MAGI1: variants seen among roughly 807,000 people sequenced by gnomAD.
MAGI1 encodes the protein membrane-associated guanylate kinase, WW and PDZ domain-containing protein 1.
MAGI1 carries 58 observed loss-of-function variants against 139.9 expected under a neutral mutation model. The ratio of observed to expected loss-of-function variants is 0.41; its 90% CI spans 0.34 to 0.52. MAGI1 has a LOEUF of 0.52. Ranked by LOEUF, MAGI1 falls within the 20% of genes least tolerant of loss-of-function variation. The pLI, the probability that MAGI1 is intolerant of heterozygous loss-of-function variation, is 0.12. For synonymous variants in MAGI1, 812 were observed against 737.9 expected (o/e 1.10, Z -1.63); for missense variants, 1,874 against 1,901.6 (o/e 0.99, Z 0.27).
intron 10 of MAGI1, 144 bp downstream of exon 10, chr3:65,437,011 C>A: frequency 2.1e-6 from 1 of 480,042 alleles, no homozygotes; most frequent in Non-Finnish European, 3.7e-6. Flanking sequence ...TCTAACAATA[C>A]ATTTATCATT....
chr3:65,417,749 T>C (rs1445986882), intron 12 of MAGI1, among the ~76,000 whole-genome samples: 1 of 152,158 alleles, frequency 6.6e-6, no homozygotes, highest in Non-Finnish European at 1.5e-5. Flanking sequence ...TAAGGACAGA[T>C]GTAAGAAACA....
At chr3:65,853,662 C>A (rs79104605) in intron 1 of MAGI1, among the ~76,000 whole-genome samples, 1 of 152,164 alleles carries the variant, frequency 6.6e-6, no homozygotes, top group Non-Finnish European at 1.5e-5. Flanking sequence ...AAAAGGGCAG[C>A]TGAATGCAAG....
chr3:65,938,410 A>G (rs1458544339), intron 1 of MAGI1, among the ~76,000 whole-genome samples: 1 of 150,904 alleles, frequency 6.6e-6, no homozygotes, highest in East Asian at 1.9e-4. Flanking sequence ...AAGGACCTTT[A>G]ACAACAAGCT....
At chr3:65,962,368 G>A (rs1231691975) in intron 1 of MAGI1, among the ~76,000 whole-genome samples, 7 of 150,226 alleles carry the variant, frequency 4.7e-5, no homozygotes, top group South Asian at 2.2e-4. Flanking sequence ...TGATCCACCC[G>A]CCTCGGCCTC....
intron 1 of MAGI1, among the ~76,000 whole-genome samples, chr3:65,896,735 A>C (rs1217308662): frequency 6.6e-6 from 1 of 152,240 alleles, no homozygotes; most frequent in East Asian, 1.9e-4. Flanking sequence ...TGGACAGTAT[A>C]CATCCATACA....
At chr3:65,576,565 T>C (rs181506343) in intron 2 of MAGI1, among the ~76,000 whole-genome samples, 386 of 152,312 alleles carry the variant, frequency 2.5e-3, no homozygotes, top group African/African-American at 8.2e-3. Flanking sequence ...CTTCATCTTT[T>C]TGCCAGGCTG....
At chr3:65,522,783 GTGGTACTTC>G (rs1005911576) in intron 2 of MAGI1, among the ~76,000 whole-genome samples, 6 of 152,304 alleles carry the variant, frequency 3.9e-5, no homozygotes, top group East Asian at 3.9e-4. Context: ...TTAGCTGAAT[GTGGTACTTC>G]TGGCACTTAG....
At chr3:65,569,606 G>A (rs1165287384) in intron 2 of MAGI1, among the ~76,000 whole-genome samples, 2 of 152,136 alleles carry the variant, frequency 1.3e-5, no homozygotes, top group Non-Finnish European at 2.9e-5. Flanking sequence ...GGCAGGCACG[G>A]TGGCTTGTGC....
At chr3:65,641,952 T>C (rs537179220) in intron 1 of MAGI1, among the ~76,000 whole-genome samples, 27 of 152,308 alleles carry the variant, frequency 1.8e-4, no homozygotes, top group African/African-American at 6.0e-4. Flanking sequence ...CCAAGGTTTC[T>C]GCCAGGCTGT....
At chr3:65,633,682 T>C (rs1020681128) in intron 1 of MAGI1, among the ~76,000 whole-genome samples, 5 of 152,220 alleles carry the variant, frequency 3.3e-5, no homozygotes, top group African/African-American at 1.2e-4. Flanking sequence ...TTACAGCCTT[T>C]GGTGCTTCTT....
rs2088198787 is a variant in MAGI1, at chr3:65,687,881, G to C, written c.314-65793C>G. 19 of 633,790 alleles carry C rather than the reference G, an allele frequency of 3.0e-5. 1 individual carries two copies. The highest frequency in any genetic ancestry group is 2.6e-4 in the South Asian group (19 of 73,280). 39.3% of individuals were successfully genotyped at this position (633,790 alleles called of 1,614,324 possible). A position where few individuals can be genotyped will look rare whatever the true frequency, so the allele number is the denominator to read the frequency against. On this transcript the variant is annotated intron_variant, in intron 1 of 22. Transcript: ENST00000402939. ...CAAAACTGGACCCAGAACTCCGTTT[G>C]GATATCAAGGTATTGCAGGGTGCCT...
At chr3:65,640,053 T>G (rs879124263) in intron 1 of MAGI1, among the ~76,000 whole-genome samples, 3 of 152,076 alleles carry the variant, frequency 2.0e-5, no homozygotes, top group Admixed American at 2.0e-4. Context: ...TTTCCTGTGT[T>G]CAGACTAGAA....
At chr3:66,027,411 C>G (rs2068343844) in intron 1 of MAGI1, among the ~76,000 whole-genome samples, 1 of 152,152 alleles carries the variant, frequency 6.6e-6, no homozygotes, top group Admixed American at 6.5e-5. Context: ...TCAAGCAATC[C>G]TCCCACCACA....
At chr3:65,531,799 T>C (rs1422559402) in intron 2 of MAGI1, among the ~76,000 whole-genome samples, 1 of 152,154 alleles carries the variant, frequency 6.6e-6, no homozygotes, top group Non-Finnish European at 1.5e-5. Flanking sequence ...TCCCCATCCA[T>C]AAAATGAGAA....
chr3:65,841,832 C>T (rs901109834), intron 1 of MAGI1, among the ~76,000 whole-genome samples: 3 of 152,130 alleles, frequency 2.0e-5, no homozygotes, highest in African/African-American at 7.2e-5. Context: ...ATTCACATTC[C>T]TTAGCATCAG....
At chr3:65,616,525 A>G (rs1244950700) in intron 2 of MAGI1, among the ~76,000 whole-genome samples, 3 of 152,212 alleles carry the variant, frequency 2.0e-5, no homozygotes, top group African/African-American at 7.2e-5. Context: ...AGGATCCGGT[A>G]CACAGTAGGT....
At chr3:65,524,333 CT>C (rs1327403300) in intron 2 of MAGI1, among the ~76,000 whole-genome samples, 2 of 152,178 alleles carry the variant, frequency 1.3e-5, no homozygotes, top group Admixed American at 1.3e-4. Flanking sequence ...CAGAAGTACT[CT>C]TTTCTAATCA....
At chr3:65,746,308 A>G (rs1333780170) in intron 1 of MAGI1, among the ~76,000 whole-genome samples, 1 of 152,212 alleles carries the variant, frequency 6.6e-6, no homozygotes, top group African/African-American at 2.4e-5. Context: ...TGCTGGGATT[A>G]CAGGTGTGAG....
chr3:65,855,735 G>C (rs945272084), intron 1 of MAGI1, among the ~76,000 whole-genome samples: 1 of 151,272 alleles, frequency 6.6e-6, no homozygotes, highest in South Asian at 2.1e-4. Flanking sequence ...AGCACATGTA[G>C]ATTTGTAAGA....
Sources: allele counts gnomAD v4.1 joint callset (sites outside exome capture counted in the v4.1 genomes callset), GRCh38; gene constraint gnomAD v4.1.1; transcripts MANE v1.5; gene names NCBI Gene and HGNC (gene_info 2026-07-23, HGNC 2026-07-21).